The following FANCI variants were observed in gnomAD, a reference collection of about 807,000 sequenced individuals.
FANCI encodes Fanconi anemia group I protein.
FANCI carries 156 observed loss-of-function variants against 176.1 expected under a neutral mutation model. The ratio of observed to expected loss-of-function variants is 0.89; its 90% confidence interval spans 0.78 to 1.01. The LOEUF (loss-of-function observed/expected upper bound fraction) is 1.01, where lower values mean the gene tolerates loss of function less well. FANCI is among the 50% of genes least tolerant of loss of function. FANCI has a pLI of 0.00. For synonymous variants in FANCI, 613 were observed against 541.7 expected (o/e 1.13, Z -1.83); for missense variants, 1,678 against 1,534.1 (o/e 1.09, Z -1.57).
intron 2 of FANCI, among the ~76,000 whole-genome samples, chr15:89,257,206 A>G (rs2052535416): frequency 6.6e-6 from 1 of 152,130 alleles, no homozygotes. Context: ...ACGCTTGGCC[A>G]GATTTCTTTT....
rs550141151 is a variant in FANCI, at chr15:89,247,983, A to G, written c.84+252A>G. 1.8e-4 allele frequency among the ~76,000 whole-genome samples: 27 copies of G among 152,318 alleles called. No individual in the cohort carries two copies. The South Asian group carries it at 4.8e-3, about 27-fold the overall frequency. ...AGTTTAAGAATAGAATGCTTTTACA[A>G]CTGTATTTATAAAAGCAATTAGTAT... On this transcript the variant is annotated intron_variant, in intron 2 of 37. Transcript: ENST00000310775.
chr15:89,254,470 C>T lies in FANCI; in HGVS notation c.85-4234C>T, dbSNP rs1195710585. ...GGTTTCCCTTTGGCCAAATCTGGGA[C>T]TATTTGAGCATCAAAATAAGTTCAA... On this transcript the variant is annotated intron_variant, in intron 2 of 37. Coordinates refer to ENST00000310775, the MANE Select transcript of FANCI (RefSeq NM_001113378.2). Among the ~76,000 whole-genome samples, 3 of 152,048 alleles carry T rather than the reference C, an allele frequency of 2.0e-5. No individual in the cohort carries two copies. The East Asian group carries it at 5.8e-4, about 29-fold the overall frequency.
intron 2 of FANCI, among the ~76,000 whole-genome samples, chr15:89,248,836 A>G (rs1382260909): frequency 6.6e-6 from 1 of 152,146 alleles, no homozygotes; most frequent in Non-Finnish European, 1.5e-5. Flanking sequence ...ATTTTTGTAT[A>G]TGTTGATAAG....
chr15:89,281,329 C>A, intron 15 of FANCI, 29 bp downstream of exon 15: 4 of 1,612,818 alleles, frequency 2.5e-6, no homozygotes, highest in Non-Finnish European at 3.4e-6. Flanking sequence ...AAGTAACTTG[C>A]CAAAACTGAG....
chr15:89,316,285 A>C, intron 37 of FANCI, 112 bp from the exon 38 acceptor site: 5 of 1,093,810 alleles, frequency 4.6e-6, no homozygotes, highest in Non-Finnish European at 6.8e-6. Context: ...TGGGGAAAGC[A>C]TGACTAACAA....
chr15:89,257,341 C>A (rs2052540535), intron 2 of FANCI, among the ~76,000 whole-genome samples: 1 of 152,178 alleles, frequency 6.6e-6, no homozygotes, highest in Admixed American at 6.5e-5. Flanking sequence ...GCTGCTGTTA[C>A]AATGTATCAC....
intron 10 of FANCI, 78 bp from the exon 11 acceptor site, chr15:89,273,299 C>CTT (rs10707260): frequency 4.7e-5 from 30 of 643,632 alleles, no homozygotes; most frequent in African/African-American, 1.4e-4. Flanking sequence ...GAGACCCAAT[C>CTT]TTTTTTTTTT....
Position 89,247,636 on chromosome 15 carries a change from A to T in FANCI, c.-12A>T. On this transcript the variant is annotated 5_prime_UTR_variant, in exon 2 of 38. Coordinates refer to ENST00000310775, the MANE Select transcript of FANCI (RefSeq NM_001113378.2). Reference sequence around the variant, plus strand: ...GACGTTTTTCCCTTGTAGTTCTGTGATATGAGCAACAATGGACCAGAAGAT... The same window carrying T: ...GACGTTTTTCCCTTGTAGTTCTGTGTTATGAGCAACAATGGACCAGAAGAT... 1 of 1,612,108 alleles carries T rather than the reference A, an allele frequency of 6.2e-7. No homozygotes were observed. The highest frequency in any genetic ancestry group is 8.5e-7 in the Non-Finnish European group (1 of 1,178,214).
chr15:89,274,571 A>G (rs1596271296), intron 12 of FANCI, among the ~76,000 whole-genome samples: 1 of 146,212 alleles, frequency 6.8e-6, no homozygotes. Context: ...ATGATATTAC[A>G]ATTCTCTATT....
rs1596346512 is a variant in FANCI at position 89,316,432 on chromosome 15, A to G, written c.3960A>G (p.Glu1320=). The G allele has an allele frequency of 1.2e-6, 2 of 1,611,748 alleles. No homozygotes were observed. The highest frequency in any genetic ancestry group is 1.7e-6 in the Non-Finnish European group (2 of 1,178,582). ...TASEHGGQNK[E]PAKKKRKK is the part of the protein sequence containing the mutation. ...CAGAGCATGGGGGACAGAACAAAGA[A>G]CCAGCCAAGAAGAAAAGGAAAAAAT... The change falls in exon 38 of 38, where the codon GAA becomes GAG. Residue 1320 remains glutamate, a synonymous_variant. Transcript: ENST00000310775.
rs765925697 is a variant in FANCI, at chr15:89,305,695, T to G, written c.3346T>G (p.Ser1116Ala). The G allele has an allele frequency of 6.2e-7, 1 of 1,613,916 alleles. No individual in the cohort carries two copies. Among genetic ancestry groups the G allele is most frequent in the African/African-American group, 1.3e-5 (1 of 74,918 alleles). ...LKGQVSQETL[S>A]EEASSQATLP... Reference sequence around the variant, plus strand: ...GGGACAAGTGAGCCAAGAAACCTTATCAGGTAAGATAAGTTCAACTGGGAT... The same window carrying G: ...GGGACAAGTGAGCCAAGAAACCTTAGCAGGTAAGATAAGTTCAACTGGGAT... The change falls in exon 31 of 38, where the codon TCA (serine) becomes GCA (alanine). Residue 1116 changes from serine to alanine, a missense_variant. By Grantham distance (99) the Ser-to-Ala change is moderately conservative. Around this residue, in one of 3 missense-constraint regions of FANCI, gnomAD observed 1,204 missense variants for 1,077.4 expected, o/e 1.12. Transcript: ENST00000310775.
intron 22 of FANCI, 117 bp from the exon 23 acceptor site, chr15:89,293,716 A>G (rs2151737308): frequency 9.6e-7 from 1 of 1,043,168 alleles, no homozygotes; most frequent in Admixed American, 1.9e-5. Flanking sequence ...CTATTCATTT[A>G]TAATGTTACG....
intron 2 of FANCI, among the ~76,000 whole-genome samples, chr15:89,252,762 T>C (rs1426537661): frequency 6.6e-6 from 1 of 152,016 alleles, no homozygotes; most frequent in East Asian, 1.9e-4. Flanking sequence ...GGAATAAACC[T>C]GAGAAATGTC....
chr15:89,254,189 C>G (rs966543422), intron 2 of FANCI, among the ~76,000 whole-genome samples: 1 of 152,068 alleles, frequency 6.6e-6, no homozygotes, highest in Non-Finnish European at 1.5e-5. Flanking sequence ...CAAATCCTGT[C>G]TCTATAAAAA....
intron 24 of FANCI, among the ~76,000 whole-genome samples, chr15:89,297,756 G>A (rs1409403578): frequency 6.7e-6 from 1 of 148,600 alleles, no homozygotes; most frequent in Non-Finnish European, 1.5e-5. Context: ...AGAGGGAGAG[G>A]GAGACCGTGG....
At position 89,316,820 on chromosome 15, in the gene FANCI, C is replaced by A. The variant is rs775048930; in HGVS notation, c.*361C>A. ...GTTCAATTATCTGGTAAATATCCAG[C>A]GCTTCACCTGAAAGATAGTGCAAAT... On this transcript the variant is annotated 3_prime_UTR_variant, in exon 38 of 38. Coordinates refer to ENST00000310775, the MANE Select transcript of FANCI (RefSeq NM_001113378.2). 6.2e-7 allele frequency: 1 copy of A among 1,613,160 alleles called. No homozygotes were observed. The highest frequency in any genetic ancestry group is 8.5e-7 in the Non-Finnish European group (1 of 1,179,260).
At position 89,284,593 on chromosome 15, in the gene FANCI, T is replaced by C. The variant is rs16942956; in HGVS notation, c.1699-503T>C. Among the ~76,000 whole-genome samples, 150 of 152,330 alleles carry C rather than the reference T, an allele frequency of 9.8e-4. 3 individuals carry two copies. In the East Asian group the frequency reaches 0.023, roughly 24 times the overall value. ...GTATGAACTACATTACTGTGATGCC[T>C]GGAGTAAGGATTAGGAATTCTTGGT... is the stretch of plus-strand genomic sequence containing the variant. On this transcript the variant is annotated intron_variant, in intron 17 of 37. Transcript: ENST00000310775.
At chr15:89,291,266 T>C (rs1403711526) in intron 19 of FANCI, among the ~76,000 whole-genome samples, 1 of 152,196 alleles carries the variant, frequency 6.6e-6, no homozygotes, top group African/African-American at 2.4e-5. Context: ...GATACTTTTA[T>C]AAAAACCAGT....
intron 11 of FANCI, among the ~76,000 whole-genome samples, chr15:89,273,681 G>A (rs757041585): frequency 6.6e-6 from 1 of 152,060 alleles, no homozygotes; most frequent in Non-Finnish European, 1.5e-5. Context: ...TTATTCCTCC[G>A]TTTCCTGTTG....
Sources: gnomAD v4.1 joint callset for allele counts (sites outside exome capture counted in the v4.1 genomes callset) on GRCh38, gnomAD v4.1.1 for gene constraint, gnomAD v4.1.1 regional missense constraint, MANE v1.5 for transcripts, NCBI Gene and HGNC (gene_info 2026-07-23, HGNC 2026-07-21) for gene names.